The following LRRC4C variants were observed in gnomAD, a reference collection of about 807,000 sequenced individuals.
LRRC4C encodes the protein leucine rich repeat containing 4C, also known as leucine-rich repeat-containing protein 4C.
A neutral mutation model predicts 33.6 loss-of-function variants in LRRC4C; 5 were observed. The ratio of observed to expected loss-of-function variants is 0.15; its 90% confidence interval spans 0.08 to 0.31. The LOEUF is 0.31. LRRC4C is among the 10% of genes least tolerant of loss of function. LRRC4C has a pLI of 1.00. For synonymous variants in LRRC4C, 329 were observed against 302.0 expected, an observed-to-expected ratio of 1.09 and a Z score of -0.93; for missense variants, 560 against 796.7, an observed-to-expected ratio of 0.70 and a Z score of 3.58.
At chr11:40,513,695 G>A (rs1385284459) in intron 3 of LRRC4C, among the ~76,000 whole-genome samples, 1 of 152,134 alleles carries the variant, frequency 6.6e-6, no homozygotes, top group Non-Finnish European at 1.5e-5. Context: ...CCTCCTGAAG[G>A]ATACTTTACA....
chr11:40,849,128 T>C (rs1185403861), intron 2 of LRRC4C, among the ~76,000 whole-genome samples: 1 of 152,222 alleles, frequency 6.6e-6, no homozygotes, highest in African/African-American at 2.4e-5. Flanking sequence ...TTGGGGTATT[T>C]GGCCAGTTTA....
At chr11:40,658,971 C>G (rs1943274535) in intron 2 of LRRC4C, among the ~76,000 whole-genome samples, 2 of 152,138 alleles carry the variant, frequency 1.3e-5, no homozygotes, top group Admixed American at 1.3e-4. Context: ...AGATGAGAGC[C>G]CTGCACCCTA....
intron 3 of LRRC4C, among the ~76,000 whole-genome samples, chr11:40,399,216 A>C (rs1190451976): frequency 6.6e-6 from 1 of 152,152 alleles, no homozygotes; most frequent in East Asian, 1.9e-4. Flanking sequence ...TCATGCTGCT[A>C]TAAAGACACA....
At chr11:40,913,397 T>G (rs914421938) in intron 2 of LRRC4C, among the ~76,000 whole-genome samples, 1 of 152,072 alleles carries the variant, frequency 6.6e-6, no homozygotes, top group Admixed American at 6.6e-5. Flanking sequence ...ATAAACTCAC[T>G]CAAAACCACT....
chr11:41,052,665 C>T (rs9943482), intron 1 of LRRC4C, among the ~76,000 whole-genome samples: 73,115 of 151,752 alleles, frequency 0.48, 18,767 homozygotes, highest in Non-Finnish European at 0.58. Flanking sequence ...ATCTGAAAAA[C>T]AGTGAGTAGG....
At chr11:40,323,606 T>C (rs1945959519) in intron 3 of LRRC4C, among the ~76,000 whole-genome samples, 1 of 152,212 alleles carries the variant, frequency 6.6e-6, no homozygotes, top group Non-Finnish European at 1.5e-5. Flanking sequence ...TGAACATACC[T>C]CTGAAGGACA....
intron 1 of LRRC4C, among the ~76,000 whole-genome samples, chr11:41,281,104 T>TCA (rs1188271498): frequency 0.084 from 8,588 of 102,284 alleles, 412 homozygotes; most frequent in Non-Finnish European, 0.11. Flanking sequence ...TCTCTCTCTC[T>TCA]CACACACACA....
At chr11:40,205,898 G>A (rs887740685) in intron 5 of LRRC4C, among the ~76,000 whole-genome samples, 2 of 152,072 alleles carry the variant, frequency 1.3e-5, no homozygotes, top group African/African-American at 4.8e-5. Context: ...TTCTAAAAAG[G>A]TATTACTTGA....
chr11:40,509,218 G>A lies in LRRC4C; in HGVS notation c.-270+138924C>T, dbSNP rs12293759. ...ATTAAAATAATTCTGCAGGAAATCA[G>A]AAATTCTACTTGAAATATTAAGTAA... On this transcript the variant is annotated intron_variant, in intron 3 of 6. Transcript: ENST00000528697. Among the ~76,000 whole-genome samples, 1,020 of 152,228 alleles carry A rather than the reference G, an allele frequency of 6.7e-3. 17 individuals are homozygous for A. Among genetic ancestry groups the A allele is most frequent in the African/African-American group, 0.024 (979 of 41,558 alleles).
At chr11:40,917,416 G>A (rs1957006848) in intron 2 of LRRC4C, among the ~76,000 whole-genome samples, 1 of 152,104 alleles carries the variant, frequency 6.6e-6, no homozygotes, top group Non-Finnish European at 1.5e-5. Context: ...AAAGCTGAGA[G>A]CATTTGCAGG....
At chr11:40,843,958 C>G (rs1265010327) in intron 2 of LRRC4C, among the ~76,000 whole-genome samples, 1 of 152,032 alleles carries the variant, frequency 6.6e-6, no homozygotes, top group Non-Finnish European at 1.5e-5. Flanking sequence ...GCAGAATAAA[C>G]TTTTTGGAGC....
At chr11:40,666,647 A>G (rs1004287077) in intron 2 of LRRC4C, among the ~76,000 whole-genome samples, 21 of 152,198 alleles carry the variant, frequency 1.4e-4, no homozygotes, top group Non-Finnish European at 3.1e-4. Context: ...TTAATATTGT[A>G]ATATAAAAAT....
At position 41,092,056 on chromosome 11, in the gene LRRC4C, C is replaced by A. The variant is rs961723316; in HGVS notation, c.-495-158333G>T. Among the ~76,000 whole-genome samples the A allele has an allele frequency of 3.5e-4, 53 of 151,932 alleles. 1 individual carries two copies. The highest frequency in any genetic ancestry group is 7.4e-5 in the Non-Finnish European group (5 of 67,978). ...GGTGGTGGGACTTAAGTATTATCAC[C>A]ATTTTCATTATTTTAAGTATTTTTT... On this transcript the variant is annotated intron_variant, in intron 1 of 6. Coordinates refer to ENST00000528697, the MANE Select transcript of LRRC4C (RefSeq NM_001258419.2).
intron 3 of LRRC4C, among the ~76,000 whole-genome samples, chr11:40,616,816 C>A (rs978418541): frequency 1.3e-5 from 2 of 150,786 alleles, no homozygotes; most frequent in Non-Finnish European, 3.0e-5. Context: ...TGTTAAATGA[C>A]GAGTTAATGG....
At chr11:41,354,102 G>A (rs903206631) in intron 1 of LRRC4C, among the ~76,000 whole-genome samples, 10 of 152,092 alleles carry the variant, frequency 6.6e-5, no homozygotes, top group East Asian at 1.9e-4. Context: ...CTTTGCAGAC[G>A]ATATAATTCT....
intron 1 of LRRC4C, among the ~76,000 whole-genome samples, chr11:41,094,230 C>A (rs1198527719): frequency 2.0e-5 from 3 of 152,030 alleles, no homozygotes; most frequent in South Asian, 4.1e-4. Flanking sequence ...TGCTTCAGGA[C>A]CTTTGCACTT....
At chr11:40,446,193 A>G (rs1033863644) in intron 3 of LRRC4C, 18 of 152,176 alleles carry the variant, frequency 1.2e-4, no homozygotes, top group African/African-American at 4.3e-4. Context: ...TGTTAAAGCA[A>G]TGTCTACTGT....
intron 1 of LRRC4C, among the ~76,000 whole-genome samples, chr11:41,149,859 A>G (rs182776308): frequency 2.4e-4 from 36 of 152,276 alleles, no homozygotes; most frequent in African/African-American, 8.4e-4. Flanking sequence ...TCATTTGAAA[A>G]TTTCCATCGA....
intron 1 of LRRC4C, among the ~76,000 whole-genome samples, chr11:40,965,862 G>C (rs905534345): frequency 6.6e-6 from 1 of 151,826 alleles, no homozygotes; most frequent in Non-Finnish European, 1.5e-5. Context: ...GCTCTTTTTT[G>C]GTTCCATATG....
Sources: allele counts gnomAD v4.1 joint callset (sites outside exome capture counted in the v4.1 genomes callset), GRCh38; gene constraint gnomAD v4.1.1; transcripts MANE v1.5; gene names NCBI Gene and HGNC (gene_info 2026-07-23, HGNC 2026-07-21).